COL25A1: variants seen among roughly 807,000 people sequenced by gnomAD.
The protein encoded by COL25A1 is collagen type XXV alpha 1 chain.
Under a neutral mutation model 128.4 loss-of-function variants are expected in COL25A1, and 103 were observed. That is an observed-to-expected ratio of 0.80 (90% CI 0.68 to 0.94). COL25A1 has a LOEUF of 0.94. Ranked by LOEUF, COL25A1 falls within the 40% of genes least tolerant of loss-of-function variation. COL25A1 has a pLI of 0.00. For missense variants in COL25A1, 745 were observed against 840.0 expected (o/e 0.89, Z 1.40); for synonymous variants, 279 against 277.2 (o/e 1.01, Z -0.06).
intron 3 of COL25A1, among the ~76,000 whole-genome samples, chr4:109,254,405 G>A (rs886658567): frequency 2.8e-5 from 4 of 144,846 alleles, no homozygotes; most frequent in African/African-American, 1.0e-4. Context: ...CTATTGAGCA[G>A]TTTCCTGTGG....
At chr4:109,299,685 G>C (rs1212904487) in intron 3 of COL25A1, among the ~76,000 whole-genome samples, 3 of 152,080 alleles carry the variant, frequency 2.0e-5, no homozygotes, top group Admixed American at 1.3e-4. Context: ...GATGATAAAA[G>C]AAACTATCAT....
chr4:108,894,489 A>G (rs1202583031), intron 16 of COL25A1, among the ~76,000 whole-genome samples: 1 of 152,210 alleles, frequency 6.6e-6, no homozygotes, highest in Non-Finnish European at 1.5e-5. Context: ...TTTAAAAATC[A>G]AAATAACAAT....
intron 3 of COL25A1, among the ~76,000 whole-genome samples, chr4:109,220,112 T>G (rs902019592): frequency 1.3e-5 from 2 of 152,158 alleles, no homozygotes; most frequent in Non-Finnish European, 2.9e-5. Flanking sequence ...CTCAATCAAT[T>G]GAGTCTTTGT....
chr4:109,220,797 T>C (rs17040077), intron 3 of COL25A1, among the ~76,000 whole-genome samples: 12,192 of 152,196 alleles, frequency 0.08, 983 homozygotes, highest in African/African-American at 0.21. Flanking sequence ...AAACATACTA[T>C]GATTTATTCC....
chr4:109,044,990 C>T (rs915525503), intron 5 of COL25A1, among the ~76,000 whole-genome samples: 4 of 152,116 alleles, frequency 2.6e-5, no homozygotes, highest in Non-Finnish European at 4.4e-5. Flanking sequence ...CCTCCTCTGC[C>T]GATAACAAGA....
chr4:108,960,518 A>G (rs1750568937), intron 8 of COL25A1, among the ~76,000 whole-genome samples: 1 of 152,134 alleles, frequency 6.6e-6, no homozygotes, highest in South Asian at 2.1e-4. Context: ...GTTCAGTAGG[A>G]TAAAAAATGA....
chr4:109,012,343 A>C (rs1302794750), intron 5 of COL25A1, among the ~76,000 whole-genome samples: 2 of 152,300 alleles, frequency 1.3e-5, no homozygotes, highest in African/African-American at 4.8e-5. Flanking sequence ...CACTCTCAGC[A>C]CTTCCTCGGC....
intron 28 of COL25A1, 97 bp from the exon 29 acceptor site, chr4:108,845,348 T>C (rs1311107121): frequency 3.3e-6 from 3 of 920,792 alleles, no homozygotes. Flanking sequence ...CTCTTGACAT[T>C]TTATAATATT....
chr4:108,932,298 CT>C (rs1471844454), intron 11 of COL25A1, among the ~76,000 whole-genome samples: 1 of 152,182 alleles, frequency 6.6e-6, no homozygotes, highest in Non-Finnish European at 1.5e-5. Context: ...CATTTTCATG[CT>C]TACGTTATTA....
chr4:109,270,148 A>G (rs371522622), intron 3 of COL25A1, among the ~76,000 whole-genome samples: 19 of 152,182 alleles, frequency 1.2e-4, no homozygotes, highest in African/African-American at 3.4e-4. Context: ...CATTCCCTTT[A>G]AAAACTGGCA....
intron 3 of COL25A1, among the ~76,000 whole-genome samples, chr4:109,123,136 C>T (rs1768262865): frequency 6.6e-6 from 1 of 151,972 alleles, no homozygotes; most frequent in African/African-American, 2.4e-5. Context: ...CTATTTGATA[C>T]CTTTCAAGTG....
intron 3 of COL25A1, among the ~76,000 whole-genome samples, chr4:109,176,079 T>C (rs966738000): frequency 6.6e-6 from 1 of 152,166 alleles, no homozygotes; most frequent in African/African-American, 2.4e-5. Context: ...GGCCACCCAT[T>C]GATGCTACAA....
At position 109,262,520 on chromosome 4, in the gene COL25A1, C is replaced by CA. The variant is rs201910995; in HGVS notation, c.367+38062dup. Reference sequence around the variant, plus strand: ...CAGAGTTAGACTGTCTCTCAAAAAACAAAAAAAAAGCTTCCTACATTAGTC... The same window carrying CA: ...CAGAGTTAGACTGTCTCTCAAAAAACAAAAAAAAAAGCTTCCTACATTAGTC... On this transcript the variant is annotated intron_variant, in intron 3 of 37. Transcript: ENST00000399132. 4.5e-4 allele frequency among the ~76,000 whole-genome samples: 67 copies of CA among 148,906 alleles called. No homozygotes were observed. In the East Asian group the frequency reaches 5.1e-3, roughly 11 times the overall value.
At chr4:109,153,188 C>T (rs1441326362) in intron 3 of COL25A1, among the ~76,000 whole-genome samples, 2 of 151,584 alleles carry the variant, frequency 1.3e-5, no homozygotes, top group African/African-American at 4.9e-5. Context: ...GAGTTCGAGA[C>T]CAGCCTGACC....
At chr4:108,859,837 T>C (rs1289877676) in intron 23 of COL25A1, 104 bp from the exon 24 acceptor site, 1 of 743,260 alleles carries the variant, frequency 1.3e-6, no homozygotes, top group Non-Finnish European at 2.3e-6. Context: ...CTGAATATCA[T>C]TTCCCTACTA....
chr4:109,280,796 C>T (rs1723307807), intron 3 of COL25A1, among the ~76,000 whole-genome samples: 1 of 151,874 alleles, frequency 6.6e-6, no homozygotes, highest in Admixed American at 6.6e-5. Flanking sequence ...CAGGCAAGCA[C>T]CACCACACCC....
In COL25A1 at chr4:109,204,420, T is replaced by G. The variant is rs76611547; in HGVS notation, c.367+96163A>C. 0.012 allele frequency among the ~76,000 whole-genome samples: 1,781 copies of G among 152,292 alleles called. 59 individuals are homozygous for G. The South Asian group carries it at 0.14, about 12-fold the overall frequency. ...ACCAGAAAGCTCTTTTCCGCCCATG[T>G]CTTAGGAATAATTTGGAAAAAATGG... On this transcript the variant is annotated intron_variant, in intron 3 of 37. Coordinates refer to ENST00000399132, the MANE Select transcript of COL25A1 (RefSeq NM_198721.4).
intron 31 of COL25A1, chr4:108,838,064 A>G (rs1195113383): frequency 1.4e-6 from 2 of 1,434,530 alleles, no homozygotes; most frequent in Non-Finnish European, 1.9e-6. Context: ...AAAATCTGAG[A>G]TTTGCACTAA....
chr4:108,857,568 TA>T (rs34515408), intron 24 of COL25A1, among the ~76,000 whole-genome samples: 11,481 of 139,154 alleles, frequency 0.083, 482 homozygotes, highest in Non-Finnish European at 0.11. Flanking sequence ...AAAATAGATT[TA>T]AAAAAAAAAA....
Sources: allele counts gnomAD v4.1 joint callset (sites outside exome capture counted in the v4.1 genomes callset), GRCh38; gene constraint gnomAD v4.1.1; transcripts MANE v1.5; gene names NCBI Gene and HGNC (gene_info 2026-07-23, HGNC 2026-07-21).